MED12L: variants seen among roughly 807,000 people sequenced by gnomAD.
MED12L encodes the protein mediator of RNA polymerase II transcription subunit 12-like protein.
Under a neutral mutation model 281.3 loss-of-function variants are expected in MED12L, and 60 were observed. That is an observed-to-expected ratio of 0.21 (90% CI 0.17 to 0.26). MED12L has a LOEUF of 0.26. MED12L is among the 10% of genes least tolerant of loss of function. The pLI, the probability that MED12L is intolerant of heterozygous loss-of-function variation, is 1.00. For missense variants in MED12L, 2,146 were observed against 2,680.9 expected, an observed-to-expected ratio of 0.80 and a Z score of 4.41; for synonymous variants, 974 against 987.2, an observed-to-expected ratio of 0.99 and a Z score of 0.25.
At chr3:151,165,368 C>A in intron 9 of MED12L, 52 bp from the exon 10 acceptor site, 3 of 1,419,326 alleles carry the variant, frequency 2.1e-6, no homozygotes, top group South Asian at 1.2e-5. Context: ...ATGATTTAGA[C>A]ATGCGCTGTG....
chr3:151,205,641 C>T (rs1157920250), intron 16 of MED12L, among the ~76,000 whole-genome samples: 1 of 152,094 alleles, frequency 6.6e-6, no homozygotes, highest in Non-Finnish European at 1.5e-5. Flanking sequence ...TTTGTTAAAA[C>T]AAGCCATGAG....
chr3:151,396,172 C>G (rs1714940814), intron 39 of MED12L, among the ~76,000 whole-genome samples: 1 of 151,668 alleles, frequency 6.6e-6, no homozygotes, highest in Non-Finnish European at 1.5e-5. Flanking sequence ...AAATAAGCAA[C>G]ATGTTTAGAG....
chr3:151,327,087 CAAG>C (rs987969952), intron 16 of MED12L: 1 of 152,172 alleles, frequency 6.6e-6, no homozygotes, highest in Admixed American at 6.5e-5. Flanking sequence ...GTCTGTCTCT[CAAG>C]AAGCTTTAAC....
intron 39 of MED12L, among the ~76,000 whole-genome samples, chr3:151,403,310 G>A (rs937567444): frequency 6.6e-6 from 1 of 151,914 alleles, no homozygotes; most frequent in African/African-American, 2.4e-5. Context: ...AGACCAGTTC[G>A]TGCACCTTCA....
At chr3:151,091,059 C>T (rs1409954736) in intron 2 of MED12L, among the ~76,000 whole-genome samples, 2 of 151,908 alleles carry the variant, frequency 1.3e-5, no homozygotes, top group Non-Finnish European at 2.9e-5. Context: ...AACAAAACAA[C>T]AACAACAAAA....
At chr3:151,276,282 A>G (rs28527299) in intron 16 of MED12L, among the ~76,000 whole-genome samples, 51,250 of 152,086 alleles carry the variant, frequency 0.34, 8,861 homozygotes, top group African/African-American at 0.41. Context: ...CTCACTGGTG[A>G]TGTTGATTCA....
intron 16 of MED12L, among the ~76,000 whole-genome samples, chr3:151,246,654 C>T (rs934129766): frequency 6.6e-6 from 1 of 152,214 alleles, no homozygotes; most frequent in African/African-American, 2.4e-5. Context: ...GTTAGACCTA[C>T]AACCATAAAA....
intron 44 of MED12L, among the ~76,000 whole-genome samples, chr3:151,432,474 C>G (rs945663859): frequency 2.0e-5 from 3 of 152,116 alleles, no homozygotes; most frequent in Non-Finnish European, 4.4e-5. Context: ...AAAGTTAATA[C>G]CAAGTAGTTT....
intron 4 of MED12L, among the ~76,000 whole-genome samples, chr3:151,125,356 C>A (rs776203295): frequency 6.6e-6 from 1 of 152,142 alleles, no homozygotes; most frequent in Non-Finnish European, 1.5e-5. Flanking sequence ...TCTGCTAGTA[C>A]GGAGACAGTG....
At chr3:151,171,760 A>G (rs563513236) in intron 11 of MED12L, among the ~76,000 whole-genome samples, 1 of 152,310 alleles carries the variant, frequency 6.6e-6, no homozygotes, top group East Asian at 1.9e-4. Context: ...CCAGGTTTGT[A>G]TCAGTGCAGC....
intron 36 of MED12L, among the ~76,000 whole-genome samples, chr3:151,386,034 G>C (rs1311504261): frequency 6.6e-5 from 10 of 152,142 alleles, no homozygotes; most frequent in Non-Finnish European, 1.3e-4. Context: ...ATAGAATAGA[G>C]GGTCCCCAGG....
At chr3:151,386,578 G>T (rs373913559) in intron 36 of MED12L, among the ~76,000 whole-genome samples, 23 of 128,376 alleles carry the variant, frequency 1.8e-4, no homozygotes, top group Admixed American at 2.4e-4. Context: ...TTTTGTCTTT[G>T]TTTTTTTTTT....
intron 16 of MED12L, among the ~76,000 whole-genome samples, chr3:151,293,771 T>C (rs1037131701): frequency 2.6e-5 from 4 of 152,176 alleles, no homozygotes; most frequent in African/African-American, 9.7e-5. Flanking sequence ...CCAAAGATCT[T>C]AGTTTATAGA....
intron 7 of MED12L, among the ~76,000 whole-genome samples, chr3:151,159,467 G>A (rs1189279097): frequency 6.6e-6 from 1 of 152,178 alleles, no homozygotes; most frequent in Non-Finnish European, 1.5e-5. Context: ...CTCTTGAAAT[G>A]TGACCAGTCC....
At chr3:151,220,653 G>T (rs1729163420) in intron 16 of MED12L, among the ~76,000 whole-genome samples, 2 of 152,198 alleles carry the variant, frequency 1.3e-5, no homozygotes, top group South Asian at 4.1e-4. Flanking sequence ...CCCTGCACAA[G>T]CTCTCTTCTC....
chr3:151,354,140 C>CAAAAAAAAAAAAAA, intron 17 of MED12L, among the ~76,000 whole-genome samples: 2 of 62,844 alleles, frequency 3.2e-5, no homozygotes, highest in Non-Finnish European at 5.3e-5. Flanking sequence ...GACTCCGTCT[C>CAAAAAAAAAAAAAA]AAAAAAAAAA....
intron 16 of MED12L, among the ~76,000 whole-genome samples, chr3:151,288,398 A>G (rs532681844): frequency 6.6e-6 from 1 of 152,356 alleles, no homozygotes; most frequent in African/African-American, 2.4e-5. Flanking sequence ...CCAAGTATAT[A>G]GCTACTGTCT....
intron 25 of MED12L, 42 bp from the exon 26 acceptor site, chr3:151,369,394 A>G: frequency 7.6e-7 from 1 of 1,318,470 alleles, no homozygotes; most frequent in South Asian, 1.3e-5. Context: ...AAACATTACT[A>G]ATGATGGTAA....
rs530502820 is a variant in MED12L at position 151,135,136 on chromosome 3, C to A, written c.556+7152C>A. ...CCGCTCTCAGGTTCAAGCAATTCTC[C>A]CACCTCAGCCTCCCAAGTAGCTGGG... On this transcript the variant is annotated intron_variant, in intron 5 of 44. Transcript: ENST00000687756. 2.6e-5 allele frequency among the ~76,000 whole-genome samples: 4 copies of A among 152,284 alleles called. No individual in the cohort carries two copies. In the South Asian group the frequency reaches 8.3e-4, roughly 32 times the overall value.
Sources: gnomAD v4.1 joint callset for allele counts (sites outside exome capture counted in the v4.1 genomes callset) on GRCh38, gnomAD v4.1.1 for gene constraint, MANE v1.5 for transcripts, NCBI Gene and HGNC (gene_info 2026-07-23, HGNC 2026-07-21) for gene names.